Variants in SORD observed in about 807,000 individuals in gnomAD.
SORD encodes (R,R)-butanediol dehydrogenase.
Under a neutral mutation model 35.6 loss-of-function variants are expected in SORD, and 18 were observed. The ratio of observed to expected loss-of-function variants is 0.51; its 90% confidence interval spans 0.35 to 0.75. The LOEUF is 0.75. SORD is among the 30% of genes least tolerant of loss of function. SORD has a pLI of 0.01. For synonymous variants in SORD, 106 were observed against 152.9 expected, an observed-to-expected ratio of 0.69 and a Z score of 2.26; for missense variants, 250 against 390.2, an observed-to-expected ratio of 0.64 and a Z score of 3.03.
At chr15:45,027,884 T>C (rs1892702951) in intron 1 of SORD, among the ~76,000 whole-genome samples, 1 of 152,260 alleles carries the variant, frequency 6.6e-6, no homozygotes, top group African/African-American at 2.4e-5. Flanking sequence ...ATTAATATAT[T>C]GACTGCCTAC....
intron 1 of SORD, among the ~76,000 whole-genome samples, chr15:45,027,943 G>A (rs934433481): frequency 6.6e-6 from 1 of 152,222 alleles, no homozygotes; most frequent in Non-Finnish European, 1.5e-5. Flanking sequence ...TTTACAAACT[G>A]TCCACAATGA....
At chr15:45,029,656 T>G (rs74011320) in intron 1 of SORD, among the ~76,000 whole-genome samples, 31,492 of 151,166 alleles carry the variant, frequency 0.21, 54 homozygotes, top group African/African-American at 0.45. Context: ...AAGGGCCAGT[T>G]TGACAGCCTT....
At chr15:45,064,571 A>G (rs537424780) in intron 4 of SORD, among the ~76,000 whole-genome samples, 1 of 152,332 alleles carries the variant, frequency 6.6e-6, no homozygotes, top group Non-Finnish European at 1.5e-5. Context: ...TTTGTGGAAC[A>G]GGTCCTTTTT....
chr15:45,060,450 C>T (rs1396348779), intron 3 of SORD, among the ~76,000 whole-genome samples: 4 of 152,094 alleles, frequency 2.6e-5, no homozygotes. Flanking sequence ...GCTGGCTGTT[C>T]AGAAGCCTCA....
intron 1 of SORD, among the ~76,000 whole-genome samples, chr15:45,029,688 G>A (rs1215989224): frequency 6.6e-6 from 1 of 152,268 alleles, no homozygotes; most frequent in Non-Finnish European, 1.5e-5. Flanking sequence ...TGTACTTGGT[G>A]GGCCCTGAGC....
chr15:45,072,877 T>G lies in SORD; in HGVS notation c.908+439T>G, dbSNP rs1234723631. 4.3e-5 allele frequency among the ~76,000 whole-genome samples: 6 copies of G among 139,416 alleles called. 2 individuals carry two copies. The highest frequency in any genetic ancestry group is 1.9e-4 in the African/African-American group (6 of 30,984). 91.5% of individuals were successfully genotyped at this position (139,416 alleles called of 152,430 possible). A position where few individuals can be genotyped will look rare whatever the true frequency, so the allele number is the denominator to read the frequency against. ...AAAGGGTCTTAGTTTGCCCCACCCA[T>G]GTTCTGCAGCTCCACCCTCTCCCCT... On this transcript the variant is annotated intron_variant, in intron 8 of 8. Transcript: ENST00000267814.
intron 3 of SORD, among the ~76,000 whole-genome samples, chr15:45,051,279 C>T (rs1429727755): frequency 1.3e-5 from 2 of 152,116 alleles, no homozygotes; most frequent in African/African-American, 4.8e-5. Flanking sequence ...TTTAGATATT[C>T]TATACAATTT....
chr15:45,037,792 G>A (rs997675280), intron 1 of SORD, among the ~76,000 whole-genome samples: 26 of 151,832 alleles, frequency 1.7e-4, no homozygotes, highest in African/African-American at 6.3e-4. Context: ...CACACACCAG[G>A]GCCTGTCAGG....
intron 1 of SORD, among the ~76,000 whole-genome samples, chr15:45,039,106 T>G (rs1264097679): frequency 2.6e-5 from 4 of 152,160 alleles, no homozygotes; most frequent in African/African-American, 7.2e-5. Flanking sequence ...CATGGCAGGT[T>G]CTGTGAACAT....
intron 1 of SORD, among the ~76,000 whole-genome samples, chr15:45,030,930 AC>A (rs1223556273): frequency 2.0e-5 from 3 of 152,248 alleles, no homozygotes; most frequent in African/African-American, 7.2e-5. Flanking sequence ...GCTGACTCCG[AC>A]CAGGAGCCCA....
At chr15:45,023,827 A>T (rs1396514602) in intron 1 of SORD, among the ~76,000 whole-genome samples, 1 of 152,182 alleles carries the variant, frequency 6.6e-6, no homozygotes, top group Non-Finnish European at 1.5e-5. Flanking sequence ...GATTATGATG[A>T]TCACAAGAGT....
chr15:45,067,382 T>C (rs1231948768), intron 5 of SORD, among the ~76,000 whole-genome samples: 1 of 152,176 alleles, frequency 6.6e-6, no homozygotes, highest in Non-Finnish European at 1.5e-5. Context: ...GTGAACATTT[T>C]TCCATGTCAA....
intron 4 of SORD, among the ~76,000 whole-genome samples, chr15:45,061,518 C>G (rs960076872): frequency 2.0e-5 from 3 of 152,100 alleles, no homozygotes; most frequent in African/African-American, 7.2e-5. Flanking sequence ...GGAGGGAATT[C>G]CTGTGGTTCA....
At chr15:45,063,565 T>C (rs1399113739) in intron 4 of SORD, among the ~76,000 whole-genome samples, 3 of 152,126 alleles carry the variant, frequency 2.0e-5, no homozygotes, top group African/African-American at 7.2e-5. Context: ...TCCAACACGG[T>C]TGGCTGTGTT....
chr15:45,033,891 A>T (rs902977773), intron 1 of SORD, among the ~76,000 whole-genome samples: 1 of 151,808 alleles, frequency 6.6e-6, no homozygotes, highest in African/African-American at 2.4e-5. Flanking sequence ...ATATTTGGCT[A>T]TTATCTCTCC....
intron 1 of SORD, among the ~76,000 whole-genome samples, chr15:45,036,796 A>G (rs1892876285): frequency 6.6e-6 from 1 of 152,180 alleles, no homozygotes; most frequent in Non-Finnish European, 1.5e-5. Context: ...GGGAATGAGA[A>G]AAAAAAGAGC....
At chr15:45,039,037 A>G (rs949114080) in intron 1 of SORD, among the ~76,000 whole-genome samples, 5 of 152,102 alleles carry the variant, frequency 3.3e-5, no homozygotes, top group African/African-American at 1.2e-4. Context: ...GCAGCTTCGA[A>G]TTTCTCATTT....
intron 7 of SORD, among the ~76,000 whole-genome samples, chr15:45,071,354 C>A (rs539274413): frequency 2.0e-5 from 3 of 152,160 alleles, no homozygotes; most frequent in Non-Finnish European, 2.9e-5. Context: ...GAAGCAGCAG[C>A]GCTGGGAGTC....
Position 45,068,941 on chromosome 15 carries a change from C to T in SORD, c.675C>T (p.Ser225=), listed in dbSNP as rs768568059. The part of the protein sequence containing the change: ...EIGADLVLQI[S]KESPQEIARK... ...GGGCTGATTTAGTCCTCCAGATCTC[C>T]AAGGAGAGCCCTCAGGAAATCGCCA... is the stretch of plus-strand genomic sequence containing the variant. The change falls in exon 7 of 9, where the codon TCC becomes TCT. Residue 225 remains serine, a synonymous_variant. Coordinates refer to ENST00000267814, the MANE Select transcript of SORD (RefSeq NM_003104.6). 4 of 1,591,460 alleles carry T rather than the reference C, an allele frequency of 2.5e-6. No individual in the cohort carries two copies. Among genetic ancestry groups the T allele is most frequent in the Non-Finnish European group, 2.6e-6 (3 of 1,171,236 alleles).
Sources: allele counts gnomAD v4.1 joint callset (sites outside exome capture counted in the v4.1 genomes callset), GRCh38; gene constraint gnomAD v4.1.1; transcripts MANE v1.5; gene names NCBI Gene and HGNC (gene_info 2026-07-23, HGNC 2026-07-21).